C9orf50: variants seen among roughly 807,000 people sequenced by gnomAD.
C9orf50 encodes the protein uncharacterized protein C9orf50.
Under a neutral mutation model 42.5 loss-of-function variants are expected in C9orf50, and 33 were observed. The ratio of observed to expected loss-of-function variants is 0.78; its 90% CI spans 0.59 to 1.04. The LOEUF is 1.04. C9orf50 is among the 50% of genes least tolerant of loss of function. The pLI is 0.00. For missense variants in C9orf50, 547 were observed against 594.3 expected (o/e 0.92, Z 0.83); for synonymous variants, 257 against 273.4 (o/e 0.94, Z 0.59).
Position 129,614,826 on chromosome 9 carries a change from C to T in C9orf50, c.880+658G>A, listed in dbSNP as rs1040012652. Among the ~76,000 whole-genome samples, 2 of 151,970 alleles carry T rather than the reference C, an allele frequency of 1.3e-5. No individual in the cohort carries two copies. The highest frequency in any genetic ancestry group is 2.4e-5 in the African/African-American group (1 of 41,332). On this transcript the variant is annotated intron_variant, in intron 4 of 6. Transcript: ENST00000372478. The surrounding 1 kb of genome is among the most constrained non-coding windows in gnomAD (Gnocchi z 4.4). The stretch of plus-strand genomic sequence containing the variant: ...CTGAGGCAGGAGAATGGCATGAACC[C>T]GGGAGGTGGAGCTTGCAGCGAGCCG...
rs748602993 is a variant in C9orf50, at chr9:129,613,526, C to T, written c.952G>A (p.Gly318Arg). The change falls in exon 5 of 7, where the codon GGA becomes AGA. Residue 318 changes from glycine to arginine, a missense_variant. By Grantham distance (125) the Gly-to-Arg change is moderately radical. This residue lies in a region of C9orf50 where 334 missense variants were observed against 323.7 expected (regional missense o/e 1.03). Coordinates refer to ENST00000372478, the Ensembl canonical transcript of C9orf50. This position sits in a 1 kb window ranked among gnomAD's most constrained non-coding sequence, Gnocchi z 6.2. ...TTGGGCAAACTCTCCAGCCGTTTTC[C>T]GACACTCCCAAACACCCGCTCGGAC... 37 of 1,614,052 alleles carry T rather than the reference C, an allele frequency of 2.3e-5. No homozygotes were observed. The highest frequency in any genetic ancestry group is 4.0e-5 in the African/African-American group (3 of 74,932).
intron 4 of C9orf50, 109 bp downstream of exon 4, chr9:129,615,375 T>C: frequency 8.5e-7 from 1 of 1,183,236 alleles, no homozygotes; most frequent in Non-Finnish European, 1.1e-6. Context: ...ACTGATCTCT[T>C]GGCCTTTGCA....
Position 129,620,537 on chromosome 9 carries a change from A to G in C9orf50, c.38T>C (p.Leu13Pro), listed in dbSNP as rs1327102371. 3 of 1,442,938 alleles carry G rather than the reference A, an allele frequency of 2.1e-6. No homozygotes were observed. The African/African-American group carries it at 4.4e-5, about 21-fold the overall frequency. 89.4% of individuals were successfully genotyped at this position (1,442,938 alleles called of 1,614,324 possible). ...GTCGCCAGGGAGCCCCTTGGGCGCC[A>G]GGTCCTGGGCCCCTGGGCGAAGTCG... Residue 13 changes from leucine to proline, a missense_variant, in exon 1 of 7, where the codon CTG becomes CCG. Physicochemically the swap from Leu to Pro is moderately conservative, Grantham distance 98 (BLOSUM62 -3). Transcript: ENST00000372478. The surrounding 1 kb of genome is among the most constrained non-coding windows in gnomAD (Gnocchi z 5.8).
chr9:129,619,768 G>GA lies in C9orf50; in HGVS notation c.570dup (p.Pro191SerfsTer19). ...AGGTCTGGGAGGAATGAACAGTTGG[G>GA]ACACCGCGGAGACCCTGGGCAGTGC... On this transcript the variant is annotated frameshift_variant, in exon 2 of 7. Coordinates refer to ENST00000372478, the Ensembl canonical transcript of C9orf50. LOFTEE classifies it high-confidence loss of function. 4 of 1,614,104 alleles carry GA rather than the reference G, an allele frequency of 2.5e-6. No individual in the cohort carries two copies. In the African/African-American group the frequency reaches 4.0e-5, roughly 16 times the overall value.
At chr9:129,620,893 C>T (rs531399812), upstream of C9orf50, 19 of 296,828 alleles carry the variant, frequency 6.4e-5, no homozygotes, top group Admixed American at 3.1e-4. This position sits in a 1 kb window ranked among gnomAD's most constrained non-coding sequence, Gnocchi z 5.8. Context: ...CAAGCTTACA[C>T]ATAGACTAGC....
chr9:129,615,752 T>A (rs1329601643), intron 3 of C9orf50, 105 bp from the exon 4 acceptor site: 2 of 1,243,580 alleles, frequency 1.6e-6, no homozygotes, highest in African/African-American at 3.1e-5. Flanking sequence ...TGCCCTACAC[T>A]GGTCTTGAAG....
chr9:129,620,312 C>G lies in C9orf50; in HGVS notation c.263G>C (p.Arg88Pro). 8.0e-7 allele frequency: 1 copy of G among 1,243,076 alleles called. No individual in the cohort carries two copies. The highest frequency in any genetic ancestry group is 1.0e-6 in the Non-Finnish European group (1 of 991,404). The allele number at this position is 1,243,076 out of a possible 1,614,324, so 77.0% of individuals were successfully genotyped here. A position where few individuals can be genotyped will look rare whatever the true frequency, so the allele number is the denominator to read the frequency against. The change falls in exon 1 of 7, where the codon CGG (arginine) becomes CCG (proline). Residue 88 changes from arginine (R) to proline (P), a missense_variant. Coordinates refer to ENST00000372478, the Ensembl canonical transcript of C9orf50. This position sits in a 1 kb window ranked among gnomAD's most constrained non-coding sequence, Gnocchi z 5.8. ...CAGCCCCCGCTTCCGCACGGCCCGCCGGGTCGCGGTGAGCAAGGCGGGCAG... is the reference window on the plus strand; with the variant it reads ...CAGCCCCCGCTTCCGCACGGCCCGCGGGGTCGCGGTGAGCAAGGCGGGCAG...
In C9orf50 at chr9:129,619,635, C is replaced by T. The variant is rs141573674; in HGVS notation, c.601G>A (p.Gly201Ser). 1.1e-3 allele frequency: 1,736 copies of T among 1,613,952 alleles called. 3 individuals are homozygous for T. The highest frequency in any genetic ancestry group is 2.0e-3 in the Admixed American group (118 of 60,004). Reference sequence around the variant, plus strand: ...CTATCCTGGAGGTGCGATGACTGGCCCCTTAAAGACAAACAGGCCACATCT... The same window carrying T: ...CTATCCTGGAGGTGCGATGACTGGCTCCTTAAAGACAAACAGGCCACATCT... The change falls in exon 3 of 7, where the codon GGC becomes AGC. Residue 201 changes from glycine to serine, a missense_variant and splice_region_variant. Transcript: ENST00000372478.
chr9:129,618,875 T>G (rs1176599641), intron 3 of C9orf50, among the ~76,000 whole-genome samples: 1 of 149,232 alleles, frequency 6.7e-6, no homozygotes, highest in Non-Finnish European at 1.5e-5. Flanking sequence ...TGTGTTTTTT[T>G]TTTTTTTTTT....
rs1830385694 is a variant in C9orf50, at chr9:129,616,402, A to C, written c.717-755T>G. ...GGCTAATTTTTGTATTTTTAGTAGA[A>C]ACGGGGTTTCACCTTATTGGCCAGG... On this transcript the variant is annotated intron_variant, in intron 3 of 6. Transcript: ENST00000372478. 1.3e-5 allele frequency among the ~76,000 whole-genome samples: 2 copies of C among 151,900 alleles called. 1 individual carries two copies. Among genetic ancestry groups the C allele is most frequent in the Admixed American group, 1.3e-4 (2 of 15,252 alleles).
exon 4 of C9orf50, chr9:129,615,557 G>C: frequency 6.2e-7 from 1 of 1,610,310 alleles, no homozygotes; most frequent in Non-Finnish European, 8.5e-7. Flanking sequence ...CCCGGAAAGG[G>C]CAACGCTGCC....
chr9:129,618,190 C>T (rs890936976), intron 3 of C9orf50, among the ~76,000 whole-genome samples: 69 of 152,306 alleles, frequency 4.5e-4, no homozygotes, highest in African/African-American at 1.5e-3. Context: ...ACCCTTCACC[C>T]CTGCTTAAGC....
In C9orf50 at chr9:129,615,774, C is replaced by T. The variant is rs1033944451; in HGVS notation, c.717-127G>A. The T allele has an allele frequency of 9.5e-6, 10 of 1,055,114 alleles. No homozygotes were observed. In the African/African-American group the frequency reaches 1.5e-4, roughly 16 times the overall value. 65.4% of individuals were successfully genotyped at this position (1,055,114 alleles called of 1,614,324 possible). On this transcript the variant is annotated intron_variant, in intron 3 of 6. Transcript: ENST00000372478. ...CACTGGTCTTGAAGAATGGATAACG[C>T]CAATCACAGCAGCCGGCCTTAACGG...
intron 3 of C9orf50, among the ~76,000 whole-genome samples, chr9:129,616,500 G>A (rs1162814309): frequency 2.6e-5 from 4 of 152,160 alleles, no homozygotes; most frequent in Non-Finnish European, 5.9e-5. Flanking sequence ...ACAGGCATGA[G>A]CCACCGCCCG....
Position 129,614,451 on chromosome 9 carries a change from C to T in C9orf50, c.881-854G>A, listed in dbSNP as rs1588111678. The stretch of plus-strand genomic sequence containing the variant: ...TTCCTGAAACTGCACATAGTGGGTG[C>T]TCAATAAACAGCTAGAGGACATTGA... On this transcript the variant is annotated intron_variant, in intron 4 of 6. Transcript: ENST00000372478. The surrounding 1 kb of genome is among the most constrained non-coding windows in gnomAD (Gnocchi z 4.4). Among the ~76,000 whole-genome samples the T allele has an allele frequency of 1.3e-5, 2 of 152,172 alleles. No homozygotes were observed. Among genetic ancestry groups the T allele is most frequent in the African/African-American group, 4.8e-5 (2 of 41,438 alleles).
chr9:129,618,222 G>T (rs1830488025), intron 3 of C9orf50, among the ~76,000 whole-genome samples: 1 of 152,188 alleles, frequency 6.6e-6, no homozygotes, highest in Admixed American at 6.5e-5. Flanking sequence ...TTAACCTGGA[G>T]GAACTGTTTC....
chr9:129,613,025 C>T lies in C9orf50; in HGVS notation c.1188+82G>A, dbSNP rs2118850931. The T allele has an allele frequency of 1.3e-6, 2 of 1,572,904 alleles. No homozygotes were observed. Among genetic ancestry groups the T allele is most frequent in the South Asian group, 1.1e-5 (1 of 87,822 alleles). The stretch of plus-strand genomic sequence containing the variant: ...GGTCCACTCCCAGCCCCAGCCACTC[C>T]ACCAAACAGGGCTGCTCCCGGAGCC... On this transcript the variant is annotated intron_variant, in intron 6 of 6. Coordinates refer to ENST00000372478, the Ensembl canonical transcript of C9orf50. This position sits in a 1 kb window ranked among gnomAD's most constrained non-coding sequence, Gnocchi z 6.2.
intron 3 of C9orf50, among the ~76,000 whole-genome samples, chr9:129,616,566 C>A (rs1830400248): frequency 6.6e-6 from 1 of 152,150 alleles, no homozygotes; most frequent in African/African-American, 2.4e-5. Context: ...TGCCCCATCC[C>A]AGCCACGTGG....
chr9:129,621,894 G>A (rs187341272), upstream of C9orf50, among the ~76,000 whole-genome samples: 7 of 152,160 alleles, frequency 4.6e-5, no homozygotes, highest in Non-Finnish European at 8.8e-5. Flanking sequence ...CAGGCAGGCT[G>A]TAGAGCCCAT....
Sources: allele counts gnomAD v4.1 joint callset (sites outside exome capture counted in the v4.1 genomes callset), GRCh38; gene constraint gnomAD v4.1.1; regional missense constraint gnomAD v4.1.1; non-coding constraint Gnocchi (gnomAD v3.1); transcripts MANE v1.5; gene names NCBI Gene and HGNC (gene_info 2026-07-23, HGNC 2026-07-21).